The following PARD3 variants were observed in gnomAD, a reference collection of about 807,000 sequenced individuals.
PARD3 encodes the protein par-3 family cell polarity regulator, also known as partitioning defective 3 homolog.
A neutral mutation model predicts 155.4 loss-of-function variants in PARD3; 75 were observed. The observed-to-expected ratio is 0.48, with a 90% CI of 0.40 to 0.58. PARD3 has a LOEUF of 0.58. Among genes scored for constraint, PARD3 ranks in the 20% least tolerant of loss-of-function variants. PARD3 has a pLI of 0.00. For missense variants in PARD3, 1,642 were observed against 1,721.7 expected (o/e 0.95, Z 0.82); for synonymous variants, 576 against 610.5 (o/e 0.94, Z 0.83).
intron 1 of PARD3, among the ~76,000 whole-genome samples, chr10:34,803,729 G>A (rs1843053880): frequency 6.6e-6 from 1 of 152,036 alleles, no homozygotes; most frequent in Non-Finnish European, 1.5e-5. Context: ...CTTGAACCCA[G>A]GAGGTGGAGG....
intron 22 of PARD3, among the ~76,000 whole-genome samples, chr10:34,242,809 C>T (rs1953693331): frequency 1.3e-5 from 2 of 152,156 alleles, no homozygotes; most frequent in African/African-American, 4.8e-5. Flanking sequence ...GTGGCGCACA[C>T]CTGTAATCCC....
intron 3 of PARD3, among the ~76,000 whole-genome samples, chr10:34,477,398 C>A (rs550316741): frequency 3.1e-4 from 47 of 152,142 alleles, no homozygotes; most frequent in Non-Finnish European, 6.5e-4. Flanking sequence ...GCGACTGGTG[C>A]GATGTCACTG....
At chr10:34,162,176 G>C (rs1029729658) in intron 22 of PARD3, among the ~76,000 whole-genome samples, 1 of 152,080 alleles carries the variant, frequency 6.6e-6, no homozygotes, top group African/African-American at 2.4e-5. Context: ...GAGTTTGCCT[G>C]AACACGCCCA....
intron 1 of PARD3, among the ~76,000 whole-genome samples, chr10:34,760,973 A>G (rs1265738156): frequency 6.6e-6 from 1 of 152,132 alleles, no homozygotes; most frequent in African/African-American, 2.4e-5. Flanking sequence ...TGCAATAAAT[A>G]AATTAAATTA....
rs547346082 is a variant in PARD3, at chr10:34,279,407, T to TA, written c.3176+4727dup. Among the ~76,000 whole-genome samples, 618 of 152,182 alleles carry TA rather than the reference T, an allele frequency of 4.1e-3. 4 individuals carry two copies. The highest frequency in any genetic ancestry group is 0.014 in the African/African-American group (587 of 41,526). On this transcript the variant is annotated intron_variant, in intron 21 of 24. Coordinates refer to ENST00000374788, the MANE Select transcript of PARD3 (RefSeq NM_001184785.2). ...TTTACCTGTGCAATGAAAATTTTTT[T>TA]AAAAAAACTTGAAACTTAGCCTATT...
chr10:34,701,496 C>T (rs2094278598), intron 1 of PARD3, among the ~76,000 whole-genome samples: 1 of 152,058 alleles, frequency 6.6e-6, no homozygotes, highest in African/African-American at 2.4e-5. Flanking sequence ...GAAAGGGAAC[C>T]CCAAGGTAAC....
At chr10:34,677,097 T>G (rs972926132) in intron 2 of PARD3, among the ~76,000 whole-genome samples, 6 of 152,202 alleles carry the variant, frequency 3.9e-5, no homozygotes, top group African/African-American at 1.4e-4. Flanking sequence ...CGGAAGGAAG[T>G]ATGTTACATA....
intron 2 of PARD3, among the ~76,000 whole-genome samples, chr10:34,595,797 TC>T (rs1345038844): frequency 6.6e-6 from 1 of 152,168 alleles, no homozygotes; most frequent in African/African-American, 2.4e-5. Flanking sequence ...CATTAGAATT[TC>T]CTTGGTTTTC....
chr10:34,673,763 C>T (rs1032155037), intron 2 of PARD3, among the ~76,000 whole-genome samples: 2 of 151,344 alleles, frequency 1.3e-5, no homozygotes, highest in Non-Finnish European at 2.9e-5. Flanking sequence ...GAAAAGATAT[C>T]GAGACAGACA....
chr10:34,218,781 C>G (rs34548589), intron 22 of PARD3, among the ~76,000 whole-genome samples: 3,979 of 137,428 alleles, frequency 0.029, 86 homozygotes, highest in Non-Finnish European at 0.04. Flanking sequence ...GGGGATGGGA[C>G]ATGGCATGGG....
At chr10:34,445,624 G>T (rs1252365449) in intron 5 of PARD3, among the ~76,000 whole-genome samples, 3 of 151,966 alleles carry the variant, frequency 2.0e-5, no homozygotes, top group African/African-American at 4.8e-5. Context: ...TGCTTAAAAA[G>T]AAACTATTTT....
In PARD3 at chr10:34,762,118, T is replaced by C. The variant is rs61026057; in HGVS notation, c.120+52758A>G. Among the ~76,000 whole-genome samples the C allele has an allele frequency of 1.9e-3, 289 of 152,322 alleles. 9 individuals are homozygous for C. The East Asian group carries it at 0.054, about 29-fold the overall frequency. ...ATCACATAAATAGAAACTCTAATGC[T>C]GTTTCCAAACCTGAAAGTCACCCAG... On this transcript the variant is annotated intron_variant, in intron 1 of 24. Transcript: ENST00000374788.
chr10:34,198,202 A>AT (rs1241182064), intron 22 of PARD3, among the ~76,000 whole-genome samples: 3 of 152,296 alleles, frequency 2.0e-5, no homozygotes, highest in Admixed American at 2.0e-4. Flanking sequence ...AAATCACTTC[A>AT]TTTTTTGATC....
intron 4 of PARD3, among the ~76,000 whole-genome samples, chr10:34,456,743 A>AT (rs1374283334): frequency 2.6e-5 from 4 of 152,168 alleles, no homozygotes; most frequent in Admixed American, 2.6e-4. Flanking sequence ...TTTTACTAGG[A>AT]TTTTTCCTTT....
rs577717501 is a variant in PARD3 at position 34,237,613 on chromosome 10, A to G, written c.3419+32044T>C. ...GGCAGGAAGTAAATCTTCCTGACAC[A>G]TCTTTTGATTACATAAACTATGAAC... On this transcript the variant is annotated intron_variant, in intron 22 of 24. Coordinates refer to ENST00000374788, the MANE Select transcript of PARD3 (RefSeq NM_001184785.2). 2.6e-5 allele frequency among the ~76,000 whole-genome samples: 4 copies of G among 152,330 alleles called. No homozygotes were observed. In the South Asian group the frequency reaches 6.2e-4, roughly 24 times the overall value.
chr10:34,391,189 A>AT (rs1056647010), intron 7 of PARD3, among the ~76,000 whole-genome samples: 18 of 147,856 alleles, frequency 1.2e-4, no homozygotes, highest in African/African-American at 2.0e-4. Context: ...CTATAACCTC[A>AT]TTTTTTTTTT....
At chr10:34,537,750 C>A (rs982369488) in intron 2 of PARD3, among the ~76,000 whole-genome samples, 1 of 152,204 alleles carries the variant, frequency 6.6e-6, no homozygotes, top group Admixed American at 6.5e-5. Flanking sequence ...TCTTTCAATA[C>A]CAGTCCAAGA....
chr10:34,481,950 GCCT>G (rs2079105979), intron 3 of PARD3, among the ~76,000 whole-genome samples: 1 of 151,214 alleles, frequency 6.6e-6, no homozygotes, highest in Non-Finnish European at 1.5e-5. Context: ...ACCCGCCACA[GCCT>G]CCTATGTAGC....
intron 1 of PARD3, among the ~76,000 whole-genome samples, chr10:34,786,611 T>C (rs117983851): frequency 3.4e-4 from 52 of 152,170 alleles, no homozygotes; most frequent in Non-Finnish European, 5.0e-4. Context: ...TCTTATTACA[T>C]CTGGGGATTA....
Sources: allele counts gnomAD v4.1 joint callset (sites outside exome capture counted in the v4.1 genomes callset), GRCh38; gene constraint gnomAD v4.1.1; transcripts MANE v1.5; gene names NCBI Gene and HGNC (gene_info 2026-07-23, HGNC 2026-07-21).